The following CCDC192 variants were observed in gnomAD, a reference collection of about 807,000 sequenced individuals.
CCDC192 encodes coiled-coil domain containing 192.
chr5:127,751,681 A>G (rs1754181230), intron 2 of CCDC192, among the ~76,000 whole-genome samples: 1 of 151,932 alleles, frequency 6.6e-6, no homozygotes, highest in Non-Finnish European at 1.5e-5. Context: ...GACTGGGGAA[A>G]TTCTCCTGGA....
intron 2 of CCDC192, among the ~76,000 whole-genome samples, chr5:127,727,043 A>C (rs778891639): frequency 1.3e-5 from 2 of 152,206 alleles, no homozygotes; most frequent in Admixed American, 6.5e-5. Context: ...CAGAGGAAGA[A>C]GTGGACAGCC....
intron 2 of CCDC192, among the ~76,000 whole-genome samples, chr5:127,734,482 G>C (rs1460006362): frequency 3.4e-5 from 5 of 148,648 alleles, no homozygotes; most frequent in African/African-American, 1.2e-4. Flanking sequence ...TCCAGTTCTA[G>C]ATCCCTGAGG....
chr5:127,852,572 T>G (rs1750848710), intron 5 of CCDC192, among the ~76,000 whole-genome samples: 1 of 152,180 alleles, frequency 6.6e-6, no homozygotes, highest in Non-Finnish European at 1.5e-5. Flanking sequence ...AACCAGAGCC[T>G]CGGCTGAGCC....
At chr5:127,730,349 A>G (rs183241101) in intron 2 of CCDC192, among the ~76,000 whole-genome samples, 40 of 152,296 alleles carry the variant, frequency 2.6e-4, no homozygotes, top group Admixed American at 8.5e-4. Context: ...GAATAGACCA[A>G]TTACAAGTTC....
intron 6 of CCDC192, among the ~76,000 whole-genome samples, chr5:127,893,710 T>C (rs1017634347): frequency 2.6e-5 from 4 of 152,188 alleles, no homozygotes; most frequent in Non-Finnish European, 5.9e-5. Flanking sequence ...CATTTATAAA[T>C]ACAGCCCAAC....
At chr5:127,791,155 A>G (rs6867166) in intron 3 of CCDC192, among the ~76,000 whole-genome samples, 125,510 of 152,120 alleles carry the variant, frequency 0.83, 51,899 homozygotes, top group Middle Eastern at 0.92. Context: ...GACAACATTC[A>G]TCTGAAAAAT....
intron 5 of CCDC192, among the ~76,000 whole-genome samples, chr5:127,844,468 G>A (rs533072928): frequency 3.9e-5 from 6 of 152,256 alleles, no homozygotes; most frequent in African/African-American, 1.4e-4. Context: ...AATAGAGCCC[G>A]AGTTCTAGAC....
intron 5 of CCDC192, among the ~76,000 whole-genome samples, chr5:127,860,548 T>A (rs1475454139): frequency 6.6e-6 from 1 of 152,158 alleles, no homozygotes; most frequent in Non-Finnish European, 1.5e-5. Context: ...TTGTTTAATT[T>A]ATAGGTTTTC....
rs111349162 is a variant in CCDC192 at position 127,913,189 on chromosome 5, A to G, written c.536-27993A>G. On this transcript the variant is annotated intron_variant, in intron 6 of 6. Transcript: ENST00000514853. Reference sequence around the variant, plus strand: ...TGCAAAAGCATGTATTATGATGCCTAGTCTACAGACCAACAAACTAAAGCC... The same window carrying G: ...TGCAAAAGCATGTATTATGATGCCTGGTCTACAGACCAACAAACTAAAGCC... 5.4e-4 allele frequency among the ~76,000 whole-genome samples: 83 copies of G among 152,350 alleles called. 3 individuals are homozygous for G. Among genetic ancestry groups the G allele is most frequent in the African/African-American group, 1.9e-3 (78 of 41,592 alleles).
At chr5:127,704,838 AAAATAAATAAATAAATAAATAAATAAAT>A (rs57523949) in intron 1 of CCDC192, among the ~76,000 whole-genome samples, 3 of 144,414 alleles carry the variant, frequency 2.1e-5, no homozygotes, top group Non-Finnish European at 3.0e-5. Flanking sequence ...AACTCCATCT[AAAATAAATAAATAAATAAATAAATAAAT>A]AAATAAATAA....
At chr5:127,933,163 G>A (rs988164155) in intron 6 of CCDC192, among the ~76,000 whole-genome samples, 7 of 152,142 alleles carry the variant, frequency 4.6e-5, no homozygotes, top group Non-Finnish European at 8.8e-5. Flanking sequence ...AATAGGTTAC[G>A]TGCTATCGAA....
intron 3 of CCDC192, among the ~76,000 whole-genome samples, chr5:127,759,702 C>T (rs1331246464): frequency 2.6e-5 from 4 of 152,140 alleles, no homozygotes; most frequent in Non-Finnish European, 4.4e-5. Flanking sequence ...TCTCTTTATG[C>T]CTTCAGCCAC....
intron 3 of CCDC192, among the ~76,000 whole-genome samples, chr5:127,787,523 G>A (rs73345063): frequency 0.14 from 21,691 of 151,932 alleles, 3,588 homozygotes; most frequent in African/African-American, 0.39. Context: ...TTCTGTGTAC[G>A]TGAAAATTTT....
At position 127,708,150 on chromosome 5, in the gene CCDC192, A is replaced by G. The variant is rs17764418; in HGVS notation, c.114+390A>G. On this transcript the variant is annotated intron_variant, in intron 2 of 6. Transcript: ENST00000514853. ...ACACGAATGATATACATTGGGTACA[A>G]CACAGTATTTGGTTTAGCTAGACTG... Among the ~76,000 whole-genome samples, 3 of 152,310 alleles carry G rather than the reference A, an allele frequency of 2.0e-5. No homozygotes were observed. The Middle Eastern group carries it at 0.01, about 522-fold the overall frequency.
intron 5 of CCDC192, among the ~76,000 whole-genome samples, chr5:127,810,201 A>G (rs1228308569): frequency 6.6e-6 from 1 of 152,212 alleles, no homozygotes; most frequent in Non-Finnish European, 1.5e-5. Context: ...TCTCATTCAA[A>G]TAACAGTCCA....
At chr5:127,767,658 TAG>T (rs1216063114) in intron 3 of CCDC192, among the ~76,000 whole-genome samples, 8 of 152,200 alleles carry the variant, frequency 5.3e-5, no homozygotes, top group African/African-American at 1.9e-4. Flanking sequence ...TCTTAAGGCC[TAG>T]AGAACTTTTT....
intron 5 of CCDC192, among the ~76,000 whole-genome samples, chr5:127,832,430 A>G (rs1749841967): frequency 6.6e-6 from 1 of 152,208 alleles, no homozygotes; most frequent in Admixed American, 6.5e-5. Flanking sequence ...ATCGCTGCAA[A>G]ATGATCTAGA....
intron 5 of CCDC192, among the ~76,000 whole-genome samples, chr5:127,861,394 C>T (rs866996461): frequency 6.6e-6 from 1 of 150,800 alleles, no homozygotes; most frequent in Non-Finnish European, 1.5e-5. Context: ...GTGGCTCATG[C>T]CTGTAATCCC....
At chr5:127,895,659 A>C (rs1752859338) in intron 6 of CCDC192, among the ~76,000 whole-genome samples, 1 of 151,622 alleles carries the variant, frequency 6.6e-6, no homozygotes, top group East Asian at 2.0e-4. Flanking sequence ...GGCCAACATG[A>C]CAAAACCCTG....
Sources: allele counts gnomAD v4.1 joint callset (sites outside exome capture counted in the v4.1 genomes callset), GRCh38; gene constraint gnomAD v4.1.1; transcripts MANE v1.5; gene names NCBI Gene and HGNC (gene_info 2026-07-23, HGNC 2026-07-21).